Variants in MAP4 observed in about 807,000 individuals in gnomAD.
MAP4 encodes microtubule associated protein 4, also known as microtubule-associated protein 4.
MAP4 carries 76 observed loss-of-function variants against 170.2 expected under a neutral mutation model. The observed-to-expected ratio is 0.45, with a 90% CI of 0.37 to 0.54. The LOEUF (loss-of-function observed/expected upper bound fraction) is 0.54, where lower values mean the gene tolerates loss of function less well. MAP4 is among the 20% of genes least tolerant of loss of function. The pLI is 0.00. For synonymous variants in MAP4, 909 were observed against 994.5 expected (o/e 0.91, Z 1.62); for missense variants, 2,506 against 2,748.0 (o/e 0.91, Z 1.97).
At chr3:47,892,421 G>A in intron 10 of MAP4, 1 of 1,536,234 alleles carries the variant, frequency 6.5e-7, no homozygotes, top group Non-Finnish European at 8.7e-7. Context: ...TCGGCACTCT[G>A]CAGGCTTGCC....
At chr3:48,074,961 C>T (rs919222124) in intron 1 of MAP4, among the ~76,000 whole-genome samples, 1 of 151,916 alleles carries the variant, frequency 6.6e-6, no homozygotes, top group Non-Finnish European at 1.5e-5. Flanking sequence ...TAAGGCATTC[C>T]CTATCAAAAT....
intron 3 of MAP4, among the ~76,000 whole-genome samples, chr3:47,952,161 C>G (rs1310945460): frequency 3.3e-5 from 5 of 151,826 alleles, no homozygotes; most frequent in African/African-American, 1.2e-4. Flanking sequence ...CGGCAGCCAC[C>G]CCGTCTGGGA....
chr3:47,896,101 T>C (rs1405558931), intron 10 of MAP4, among the ~76,000 whole-genome samples: 1 of 152,100 alleles, frequency 6.6e-6, no homozygotes, highest in African/African-American at 2.4e-5. Context: ...ACAGATAAGT[T>C]TGGTGGTCAC....
Position 48,027,435 on chromosome 3 carries a change from A to G in MAP4, c.-19-28556T>C, listed in dbSNP as rs191615197. Among the ~76,000 whole-genome samples, 8 of 152,342 alleles carry G rather than the reference A, an allele frequency of 5.3e-5. No homozygotes were observed. In the East Asian group the frequency reaches 1.5e-3, roughly 29 times the overall value. On this transcript the variant is annotated intron_variant, in intron 1 of 18. Transcript: ENST00000360240. ...ACCCACAAGAGAAGCACCAGTTCAG[A>G]GTGCAAACCTAGGTCAAACAGGCCC... is the stretch of plus-strand genomic sequence containing the variant.
intron 11 of MAP4, 129 bp from the exon 12 acceptor site, chr3:47,876,029 T>C (rs1454391792): frequency 7.9e-6 from 5 of 635,898 alleles, no homozygotes; most frequent in African/African-American, 1.9e-5. Context: ...GCAATGAGGA[T>C]AGATGCAACT....
At chr3:47,996,544 C>G (rs967588505) in intron 2 of MAP4, among the ~76,000 whole-genome samples, 20 of 152,164 alleles carry the variant, frequency 1.3e-4, no homozygotes, top group African/African-American at 4.6e-4. Context: ...TCAGTCCCCA[C>G]TCTAAGCATA....
At chr3:47,890,833 T>C (rs771508452) in intron 10 of MAP4, among the ~76,000 whole-genome samples, 1 of 152,188 alleles carries the variant, frequency 6.6e-6, no homozygotes, top group Non-Finnish European at 1.5e-5. Context: ...AGCTTGACCC[T>C]GCAAGATTCA....
Position 47,911,872 on chromosome 3 carries a change from A to T in MAP4, c.2549T>A (p.Val850Asp). ...TAAAGGAATTCTGAGACTCTCTGAG[A>T]CAAAGTTCTCAGCTACCAGTCTGGC... ...SAARLVAENF[V>D]SESLRIPLYP... The change falls in exon 9 of 21, where the codon GTC becomes GAC. Residue 850 changes from valine to aspartate, a missense_variant. Coordinates refer to ENST00000683076, the MANE Select transcript of MAP4 (RefSeq NM_001385682.1). The surrounding 1 kb of genome is among the most constrained non-coding windows in gnomAD (Gnocchi z 4.0). 2.0e-6 allele frequency: 3 copies of T among 1,536,144 alleles called. No individual in the cohort carries two copies. Among genetic ancestry groups the T allele is most frequent in the Non-Finnish European group, 2.6e-6 (3 of 1,146,910 alleles).
intron 3 of MAP4, chr3:47,973,662 G>A (rs760801023): frequency 1.7e-4 from 163 of 985,246 alleles, no homozygotes; most frequent in Non-Finnish European, 1.9e-4. Context: ...TGTACACAAC[G>A]GAAAGTCATA....
At chr3:48,081,510 T>A (rs2100146681) in intron 1 of MAP4, among the ~76,000 whole-genome samples, 1 of 152,180 alleles carries the variant, frequency 6.6e-6, no homozygotes, top group East Asian at 1.9e-4. Context: ...CAATTAAGAC[T>A]ATTTTTTACT....
chr3:47,923,977 T>C (rs1014415504), intron 4 of MAP4, among the ~76,000 whole-genome samples: 66 of 152,210 alleles, frequency 4.3e-4, no homozygotes, highest in African/African-American at 1.5e-3. Context: ...GAAAAAAGGA[T>C]TCTTAAAGCA....
intron 17 of MAP4, among the ~76,000 whole-genome samples, chr3:47,862,253 G>T (rs1418899632): frequency 7.2e-6 from 1 of 139,332 alleles, no homozygotes; most frequent in African/African-American, 2.7e-5. Flanking sequence ...ATATCCTAGA[G>T]AAATAACTTG....
intron 2 of MAP4, among the ~76,000 whole-genome samples, chr3:47,994,140 C>A (rs1194585422): frequency 6.6e-6 from 1 of 152,120 alleles, no homozygotes; most frequent in Admixed American, 6.5e-5. Context: ...TTCATTTCTT[C>A]ATTTTTCTTC....
At chr3:47,975,169 T>C in intron 3 of MAP4, 2 of 1,189,788 alleles carry the variant, frequency 1.7e-6, no homozygotes, top group Non-Finnish European at 2.1e-6. Flanking sequence ...ATAAAAGACA[T>C]TAGATAACCT....
chr3:47,928,132 C>T, intron 4 of MAP4, 96 bp downstream of exon 4: 1 of 1,472,888 alleles, frequency 6.8e-7, no homozygotes, highest in Non-Finnish European at 9.4e-7. Flanking sequence ...GTGATCTATA[C>T]TTAAGCTAAA....
At position 48,054,556 on chromosome 3, in the gene MAP4, A is replaced by T. The variant is rs551663471; in HGVS notation, c.-20+34217T>A. Among the ~76,000 whole-genome samples, 119 of 138,034 alleles carry T rather than the reference A, an allele frequency of 8.6e-4. 1 individual carries two copies. The highest frequency in any genetic ancestry group is 5.4e-4 in the Non-Finnish European group (35 of 65,232). 90.6% of individuals were successfully genotyped at this position (138,034 alleles called of 152,430 possible). On this transcript the variant is annotated intron_variant, in intron 1 of 18. Transcript: ENST00000360240. ...GAGGCAGGAGAATCACTTGAACTCG[A>T]GAGGCAGAGGTTGCAGTGAGCCGAG...
chr3:47,911,193 C>G lies in MAP4; in HGVS notation c.3228G>C (p.Gly1076=). ...GCAGCTCAGATTTTGCTTTTACCTT[C>G]CCAGAATCTGTTCTCATTTTCCCAG... ...GSSGKMRTDS[G]KVKAKSELPF... Residue 1076 remains glycine (G), a synonymous_variant, in exon 9 of 21, where the codon GGG becomes GGC. Transcript: ENST00000683076. The surrounding 1 kb of genome is among the most constrained non-coding windows in gnomAD (Gnocchi z 4.0). 11 of 1,536,118 alleles carry G rather than the reference C, an allele frequency of 7.2e-6. No individual in the cohort carries two copies. The highest frequency in any genetic ancestry group is 8.7e-6 in the Non-Finnish European group (10 of 1,146,910).
At chr3:47,918,534 C>T (rs1291717490) in intron 6 of MAP4, among the ~76,000 whole-genome samples, 185 bp downstream of exon 6, 2 of 152,024 alleles carry the variant, frequency 1.3e-5, no homozygotes, top group African/African-American at 4.8e-5. Flanking sequence ...TGCCCGTTAA[C>T]CCTAAGTGTT....
intron 1 of MAP4, among the ~76,000 whole-genome samples, chr3:48,025,945 T>TAAC (rs2100112923): frequency 7.4e-6 from 1 of 134,624 alleles, no homozygotes; most frequent in Non-Finnish European, 1.6e-5. Flanking sequence ...ATAACAATAA[T>TAAC]AATAATATGC....
Sources: gnomAD v4.1 joint callset for allele counts (sites outside exome capture counted in the v4.1 genomes callset) on GRCh38, gnomAD v4.1.1 for gene constraint, Gnocchi (gnomAD v3.1) non-coding constraint, MANE v1.5 for transcripts, NCBI Gene and HGNC (gene_info 2026-07-23, HGNC 2026-07-21) for gene names.